Variants in NT5C2 observed in about 807,000 individuals in gnomAD.
NT5C2 encodes the protein cytosolic purine 5'-nucleotidase.
Under a neutral mutation model 76.1 loss-of-function variants are expected in NT5C2, and 58 were observed. The observed-to-expected ratio is 0.76, with a 90% CI of 0.62 to 0.95. NT5C2 has a LOEUF of 0.95. NT5C2 is among the 40% of genes least tolerant of loss of function. The pLI is 0.00. For synonymous variants in NT5C2, 229 were observed against 237.4 expected, an observed-to-expected ratio of 0.96 and a Z score of 0.32; for missense variants, 478 against 690.3, an observed-to-expected ratio of 0.69 and a Z score of 3.45.
intron 4 of NT5C2, among the ~76,000 whole-genome samples, chr10:103,129,104 G>A (rs1256422511): frequency 4.9e-4 from 62 of 127,316 alleles, no homozygotes; most frequent in African/African-American, 9.7e-4. Flanking sequence ...CTGGCCAGCC[G>A]TGCCGTCCGG....
At chr10:103,157,505 G>T (rs2083681441) in intron 3 of NT5C2, among the ~76,000 whole-genome samples, 1 of 152,092 alleles carries the variant, frequency 6.6e-6, no homozygotes, top group Admixed American at 6.6e-5. Context: ...TCCTAGGATG[G>T]ACTAGCATTA....
chr10:103,132,237 T>C (rs2078319755), intron 4 of NT5C2, among the ~76,000 whole-genome samples: 1 of 139,854 alleles, frequency 7.2e-6, no homozygotes, highest in African/African-American at 2.7e-5. Flanking sequence ...CAAAACTTCA[T>C]CTCGAAAAAA....
At chr10:103,188,315 G>A (rs895243129) in intron 1 of NT5C2, among the ~76,000 whole-genome samples, 8 of 152,064 alleles carry the variant, frequency 5.3e-5, no homozygotes, top group South Asian at 2.1e-4. Context: ...CAGAGATCAC[G>A]CCATTGCACT....
At chr10:103,162,151 G>A (rs977009156) in intron 3 of NT5C2, among the ~76,000 whole-genome samples, 1 of 152,078 alleles carries the variant, frequency 6.6e-6, no homozygotes, top group African/African-American at 2.4e-5. Context: ...AAGTAGCTGG[G>A]ACTACAGGCA....
At chr10:103,101,512 T>TA (rs1478942858) in intron 6 of NT5C2, among the ~76,000 whole-genome samples, 186 bp from the exon 7 acceptor site, 1 of 134,728 alleles carries the variant, frequency 7.4e-6, no homozygotes, top group Admixed American at 7.7e-5. Context: ...TTTTTAATTT[T>TA]AATTTTTTTT....
chr10:103,123,291 AT>A (rs374861904), intron 4 of NT5C2, among the ~76,000 whole-genome samples: 1,685 of 150,094 alleles, frequency 0.011, 32 homozygotes, highest in African/African-American at 0.039. Flanking sequence ...CACTGCTAAT[AT>A]TTTTTTTTTC....
chr10:103,129,377 G>A (rs1458940991), intron 4 of NT5C2, among the ~76,000 whole-genome samples: 11 of 105,318 alleles, frequency 1.0e-4, no homozygotes, highest in East Asian at 3.3e-4. Flanking sequence ...CCGGCCAGCC[G>A]CCCCGTCTGG....
At chr10:103,152,069 G>A (rs796554155) in intron 3 of NT5C2, among the ~76,000 whole-genome samples, 2 of 152,092 alleles carry the variant, frequency 1.3e-5, no homozygotes, top group East Asian at 1.9e-4. Context: ...CTTTAACCGC[G>A]TCTAGAAATA....
intron 1 of NT5C2, among the ~76,000 whole-genome samples, chr10:103,184,141 G>A (rs1220730693): frequency 2.6e-5 from 4 of 152,092 alleles, no homozygotes; most frequent in East Asian, 1.9e-4. Context: ...TAGTACAGAC[G>A]GGGTTTCACC....
Position 103,118,765 on chromosome 10 carries a change from ATTTT to A in NT5C2, c.176-12063_176-12060del, listed in dbSNP as rs1219924258. On this transcript the variant is annotated intron_variant, in intron 4 of 18. Transcript: ENST00000404739. ...TAGTTTTATGAATGTTTTCTAATTT[ATTTT>A]TATTAATTTTATTAACCACAATTAT... Among the ~76,000 whole-genome samples, 3 of 151,576 alleles carry A rather than the reference ATTTT, an allele frequency of 2.0e-5. No individual in the cohort carries two copies. In the East Asian group the frequency reaches 5.8e-4, roughly 29 times the overall value.
At chr10:103,180,720 A>C (rs2090902400) in intron 2 of NT5C2, among the ~76,000 whole-genome samples, 1 of 152,082 alleles carries the variant, frequency 6.6e-6, no homozygotes, top group South Asian at 2.1e-4. Context: ...TCCTGTCTCA[A>C]AAGAAAAAAA....
Position 103,089,802 on chromosome 10 carries a change from T to TAGTC in NT5C2, c.1552_1555dup (p.Tyr519Ter). On this transcript the variant is annotated stop_gained and frameshift_variant, in exon 19 of 19. Coordinates refer to ENST00000404739, the MANE Select transcript of NT5C2 (RefSeq NM_001351169.2). LOFTEE classifies it high-confidence loss of function. ...TGACCGTGTCAGCTGGTGCCGCTTG[T>TAGTC]AGTCAGTGTCTTTGAAATCCACTGA... is the stretch of plus-strand genomic sequence containing the variant. 4 of 1,614,110 alleles carry TAGTC rather than the reference T, an allele frequency of 2.5e-6. No individual in the cohort carries two copies. Among genetic ancestry groups the TAGTC allele is most frequent in the Non-Finnish European group, 3.4e-6 (4 of 1,179,998 alleles).
At position 103,143,122 on chromosome 10, in the gene NT5C2, T is replaced by G. The variant is rs1431390080; in HGVS notation, c.102-3643A>C. On this transcript the variant is annotated intron_variant, in intron 3 of 18. Coordinates refer to ENST00000404739, the MANE Select transcript of NT5C2 (RefSeq NM_001351169.2). ...TAGCCAAAGTTAAAACTGCATGGCT[T>G]CTCCTCTTATTACCAAACCTTTTCT... 2.6e-5 allele frequency among the ~76,000 whole-genome samples: 4 copies of G among 152,208 alleles called. No homozygotes were observed. In the East Asian group the frequency reaches 7.7e-4, roughly 29 times the overall value.
At chr10:103,191,760 G>T (rs2092663762) in intron 1 of NT5C2, among the ~76,000 whole-genome samples, 1 of 151,726 alleles carries the variant, frequency 6.6e-6, no homozygotes. Context: ...AGATTTGTTG[G>T]TTACTAAATC....
chr10:103,162,318 C>T (rs1361980317), intron 3 of NT5C2, among the ~76,000 whole-genome samples: 1 of 151,952 alleles, frequency 6.6e-6, no homozygotes, highest in Non-Finnish European at 1.5e-5. Flanking sequence ...CCCACTGAAG[C>T]TGCTATTTTT....
At position 103,111,413 on chromosome 10, in the gene NT5C2, T is replaced by C. The variant is rs547789594; in HGVS notation, c.176-4707A>G. ...AAGAAAACAACCAACGCTTTGAAAG[T>C]TGAAGTTACTGAGAGCATTTAAAGA... On this transcript the variant is annotated intron_variant, in intron 4 of 18. Coordinates refer to ENST00000404739, the MANE Select transcript of NT5C2 (RefSeq NM_001351169.2). 7.9e-4 allele frequency among the ~76,000 whole-genome samples: 121 copies of C among 152,282 alleles called. 1 individual carries two copies. The highest frequency in any genetic ancestry group is 2.7e-3 in the African/African-American group (111 of 41,572).
chr10:103,094,420 A>G lies in NT5C2; in HGVS notation c.849T>C (p.Phe283=), dbSNP rs749105674. 8 of 1,613,932 alleles carry G rather than the reference A, an allele frequency of 5.0e-6. No individual in the cohort carries two copies. The highest frequency in any genetic ancestry group is 6.8e-6 in the Non-Finnish European group (8 of 1,179,848). Residue 283 remains phenylalanine (F), a synonymous_variant, in exon 13 of 19, where the codon TTT becomes TTC. Transcript: ENST00000404739. ...GSSHRPWQSY[F]DLILVDARKP... ...TCCGTGCATCCACCAAGATCAAGTC[A>G]AAGTAGGACTGCCATGGTCGATGGG...
intron 6 of NT5C2, chr10:103,105,253 G>A (rs1393044515): frequency 1.4e-5 from 3 of 207,348 alleles, no homozygotes; most frequent in Admixed American, 1.2e-4. Context: ...AGGATTCAAA[G>A]TTTAGATTCA....
chr10:103,150,132 C>T (rs944324605), intron 3 of NT5C2, among the ~76,000 whole-genome samples: 10 of 152,234 alleles, frequency 6.6e-5, no homozygotes, highest in Non-Finnish European at 1.2e-4. Flanking sequence ...AGTCTGATAA[C>T]AGTATACACT....
Sources: allele counts gnomAD v4.1 joint callset (sites outside exome capture counted in the v4.1 genomes callset), GRCh38; gene constraint gnomAD v4.1.1; transcripts MANE v1.5; gene names NCBI Gene and HGNC (gene_info 2026-07-23, HGNC 2026-07-21).